The following NKAIN2 variants were observed in gnomAD, a reference collection of about 807,000 sequenced individuals.
The protein encoded by NKAIN2 is sodium/potassium-transporting ATPase subunit beta-1-interacting protein 2.
NKAIN2 carries 14 observed loss-of-function variants against 32.6 expected under a neutral mutation model. That is an observed-to-expected ratio of 0.43 (90% CI 0.28 to 0.67). NKAIN2 has a LOEUF of 0.67. Among genes scored for constraint, NKAIN2 ranks in the 30% least tolerant of loss-of-function variants. The pLI is 0.17. For missense variants in NKAIN2, 198 were observed against 258.3 expected, an observed-to-expected ratio of 0.77 and a Z score of 1.60; for synonymous variants, 80 against 87.2, an observed-to-expected ratio of 0.92 and a Z score of 0.46.
chr6:124,652,234 A>G (rs1049169397), intron 3 of NKAIN2, among the ~76,000 whole-genome samples: 3 of 152,174 alleles, frequency 2.0e-5, no homozygotes, highest in Non-Finnish European at 4.4e-5. Flanking sequence ...CCAGTTTCCA[A>G]AAAGATGTTT....
intron 1 of NKAIN2, among the ~76,000 whole-genome samples, chr6:124,011,072 T>C (rs556629781): frequency 3.9e-5 from 6 of 152,288 alleles, no homozygotes; most frequent in South Asian, 2.1e-4. Flanking sequence ...TAAGATTCTA[T>C]AGAAGATGCC....
chr6:124,097,903 A>G (rs555202932), intron 1 of NKAIN2, among the ~76,000 whole-genome samples: 1 of 152,312 alleles, frequency 6.6e-6, no homozygotes, highest in African/African-American at 2.4e-5. Context: ...TGCAGAGCCA[A>G]CATTTACGCT....
chr6:124,012,112 A>G (rs997999047), intron 1 of NKAIN2, among the ~76,000 whole-genome samples: 4 of 152,098 alleles, frequency 2.6e-5, no homozygotes, highest in African/African-American at 9.7e-5. Context: ...ATATATTCTT[A>G]TGTATGTATA....
chr6:124,463,933 A>G (rs981542019), intron 3 of NKAIN2, among the ~76,000 whole-genome samples: 4 of 152,026 alleles, frequency 2.6e-5, no homozygotes, highest in Non-Finnish European at 1.5e-5. Flanking sequence ...GTAACCTCTA[A>G]AGATAGTAAG....
At chr6:124,117,061 A>G (rs1056023907) in intron 1 of NKAIN2, among the ~76,000 whole-genome samples, 4 of 152,078 alleles carry the variant, frequency 2.6e-5, no homozygotes, top group Non-Finnish European at 5.9e-5. Context: ...TTGAATTATT[A>G]ACCTTTCTAA....
chr6:124,112,936 T>A (rs1785449568), intron 1 of NKAIN2, among the ~76,000 whole-genome samples: 1 of 150,684 alleles, frequency 6.6e-6, no homozygotes, highest in Non-Finnish European at 1.5e-5. Context: ...TCTCTTTCTT[T>A]GTTGAAATTC....
intron 1 of NKAIN2, among the ~76,000 whole-genome samples, chr6:123,896,298 G>GA (rs998773788): frequency 6.6e-6 from 1 of 152,042 alleles, no homozygotes; most frequent in South Asian, 2.1e-4. Context: ...TTACAACTGA[G>GA]AAAAAAACAT....
intron 1 of NKAIN2, among the ~76,000 whole-genome samples, chr6:123,877,053 C>T (rs1582698108): frequency 1.3e-5 from 2 of 152,182 alleles, no homozygotes; most frequent in East Asian, 1.9e-4. Context: ...ATGTCTGATA[C>T]TGTTGGCTAA....
At chr6:123,857,168 G>A (rs901150991) in intron 1 of NKAIN2, among the ~76,000 whole-genome samples, 2 of 152,006 alleles carry the variant, frequency 1.3e-5, no homozygotes, top group Non-Finnish European at 2.9e-5. Flanking sequence ...ACAGTGTCAG[G>A]GGTTTATGGA....
At chr6:124,762,807 A>G (rs190639140) in intron 4 of NKAIN2, among the ~76,000 whole-genome samples, 128 of 152,266 alleles carry the variant, frequency 8.4e-4, no homozygotes, top group African/African-American at 2.7e-3. Flanking sequence ...ACTATCGGAG[A>G]GCGTTGGTTT....
intron 3 of NKAIN2, among the ~76,000 whole-genome samples, chr6:124,657,646 C>T (rs781487): frequency 0.87 from 131,771 of 152,050 alleles, 57,218 homozygotes; most frequent in Admixed American, 0.9. Flanking sequence ...GCCCAAATAA[C>T]AGGAAGAGGG....
chr6:124,801,778 A>G (rs1780269512), intron 5 of NKAIN2, among the ~76,000 whole-genome samples: 1 of 152,242 alleles, frequency 6.6e-6, no homozygotes, highest in African/African-American at 2.4e-5. Context: ...GAAGAGGGAA[A>G]GAAATTCTTC....
chr6:124,789,998 C>T (rs1458680964), intron 4 of NKAIN2, among the ~76,000 whole-genome samples: 2 of 152,076 alleles, frequency 1.3e-5, no homozygotes, highest in African/African-American at 2.4e-5. Context: ...AAAACAAAAG[C>T]GTTTGAAGAC....
chr6:124,311,698 T>C (rs1219762586), intron 2 of NKAIN2, among the ~76,000 whole-genome samples: 1 of 152,178 alleles, frequency 6.6e-6, no homozygotes, highest in Non-Finnish European at 1.5e-5. Flanking sequence ...ACATGCTCAG[T>C]AGAGCCCATT....
chr6:124,542,388 T>G (rs1463953754), intron 3 of NKAIN2, among the ~76,000 whole-genome samples: 1 of 152,180 alleles, frequency 6.6e-6, no homozygotes, highest in African/African-American at 2.4e-5. Flanking sequence ...TGTAAATTAT[T>G]TCATTCTTTG....
intron 3 of NKAIN2, among the ~76,000 whole-genome samples, chr6:124,470,290 C>T (rs1334525046): frequency 6.6e-6 from 1 of 151,970 alleles, no homozygotes; most frequent in Non-Finnish European, 1.5e-5. Context: ...GTGGAAGCCT[C>T]ATAAGGGATT....
chr6:123,877,411 A>G (rs1773217077), intron 1 of NKAIN2, among the ~76,000 whole-genome samples: 1 of 152,234 alleles, frequency 6.6e-6, no homozygotes, highest in African/African-American at 2.4e-5. Flanking sequence ...TAATGAATTT[A>G]GAATACTTAT....
At chr6:124,023,293 C>A (rs968575714) in intron 1 of NKAIN2, among the ~76,000 whole-genome samples, 18 of 152,008 alleles carry the variant, frequency 1.2e-4, no homozygotes, top group African/African-American at 4.3e-4. Context: ...TACACATATG[C>A]AAAATGCTAT....
intron 3 of NKAIN2, among the ~76,000 whole-genome samples, chr6:124,566,987 C>T (rs541979778): frequency 3.7e-4 from 56 of 152,296 alleles, no homozygotes; most frequent in African/African-American, 1.3e-3. Flanking sequence ...ATTGTTCTGG[C>T]TTCGATGTAA....
Sources: gnomAD v4.1 joint callset for allele counts (sites outside exome capture counted in the v4.1 genomes callset) on GRCh38, gnomAD v4.1.1 for gene constraint, MANE v1.5 for transcripts, NCBI Gene and HGNC (gene_info 2026-07-23, HGNC 2026-07-21) for gene names.